Variants in DNAL1 observed in about 807,000 individuals in gnomAD.
The protein encoded by DNAL1 is dynein axonemal light chain 1, also known as chromosome 14 open reading frame 168.
DNAL1 carries 17 observed loss-of-function variants against 29.4 expected under a neutral mutation model. The observed-to-expected ratio is 0.58, with a 90% confidence interval of 0.40 to 0.87. The LOEUF (loss-of-function observed/expected upper bound fraction) is 0.87, where lower values mean the gene tolerates loss of function less well. Among genes scored for constraint, DNAL1 ranks in the 40% least tolerant of loss-of-function variants. The pLI is 0.00. For missense variants in DNAL1, 188 were observed against 214.1 expected (o/e 0.88, Z 0.76); for synonymous variants, 78 against 76.3 (o/e 1.02, Z -0.12).
intron 7 of DNAL1, among the ~76,000 whole-genome samples, chr14:73,694,417 G>A (rs969979967): frequency 5.3e-5 from 8 of 152,154 alleles, no homozygotes; most frequent in Non-Finnish European, 1.0e-4. Context: ...CTGGAGTGCA[G>A]GGTAAATGGC....
chr14:73,664,716 T>A (rs966846448), intron 4 of DNAL1, among the ~76,000 whole-genome samples: 2 of 151,900 alleles, frequency 1.3e-5, no homozygotes, highest in Admixed American at 6.6e-5. Flanking sequence ...CTAAAAATTT[T>A]AAAAATTATC....
chr14:73,666,156 A>G (rs1389689582), intron 4 of DNAL1, among the ~76,000 whole-genome samples: 1 of 152,168 alleles, frequency 6.6e-6, no homozygotes. Context: ...CTTGCCTCCT[A>G]CCCATCTCCT....
At position 73,699,253 on chromosome 14, in the gene DNAL1, G is replaced by GTATT. The variant is rs1487656744; in HGVS notation, c.*3312_*3315dup. On this transcript the variant is annotated 3_prime_UTR_variant, in exon 8 of 8. Transcript: ENST00000553645. ...GAATTGTTATATGAGAGAAGGTGATGTATTCAGTAATCATGGATGGAAAGA... is the reference window on the plus strand; with the variant it reads ...GAATTGTTATATGAGAGAAGGTGATGTATTTATTCAGTAATCATGGATGGAAAGA... The GTATT allele has an allele frequency of 6.6e-6, 1 of 151,570 alleles. No homozygotes were observed. Among genetic ancestry groups the GTATT allele is most frequent in the Non-Finnish European group, 1.5e-5 (1 of 67,956 alleles). 9.4% of individuals were successfully genotyped at this position (151,570 alleles called of 1,614,324 possible).
At chr14:73,684,119 C>T (rs1412109012) in intron 5 of DNAL1, among the ~76,000 whole-genome samples, 2 of 152,168 alleles carry the variant, frequency 1.3e-5, no homozygotes, top group African/African-American at 4.8e-5. Flanking sequence ...TAACAAATGA[C>T]AGGATTTCAT....
At chr14:73,682,709 GC>G (rs1481698431) in intron 5 of DNAL1, among the ~76,000 whole-genome samples, 1 of 151,116 alleles carries the variant, frequency 6.6e-6, no homozygotes, top group Non-Finnish European at 1.5e-5. Context: ...ATTAGCCTAG[GC>G]CTACCCAGAG....
intron 5 of DNAL1, among the ~76,000 whole-genome samples, chr14:73,671,875 T>C (rs1354261067): frequency 6.6e-6 from 1 of 152,210 alleles, no homozygotes; most frequent in Non-Finnish European, 1.5e-5. Context: ...TTGAATTTCC[T>C]TCCAAAGAAT....
rs547395335 is a variant in DNAL1 at position 73,669,547 on chromosome 14, T to G, written c.209-1995T>G. 3.9e-4 allele frequency among the ~76,000 whole-genome samples: 59 copies of G among 152,346 alleles called. 1 individual carries two copies. Among genetic ancestry groups the G allele is most frequent in the Non-Finnish European group, 7.8e-4 (53 of 68,024 alleles). ...GCCTCGGCCTCCCAAAGTGCTGGGA[T>G]TACAGGCATGAGCCACCACGCCCGG... On this transcript the variant is annotated intron_variant, in intron 4 of 7. Transcript: ENST00000553645.
chr14:73,665,220 G>T (rs2140036787), intron 4 of DNAL1, among the ~76,000 whole-genome samples: 1 of 151,960 alleles, frequency 6.6e-6, no homozygotes, highest in African/African-American at 2.4e-5. Flanking sequence ...CTTACTCAAA[G>T]TTGGCATTCA....
chr14:73,651,441 C>T (rs1237644649), intron 1 of DNAL1: 1 of 152,084 alleles, frequency 6.6e-6, no homozygotes, highest in African/African-American at 2.4e-5. Flanking sequence ...CAGGGAATAC[C>T]CTTGAAAGCT....
chr14:73,655,453 T>C (rs1173871324), intron 2 of DNAL1, among the ~76,000 whole-genome samples: 3 of 151,600 alleles, frequency 2.0e-5, no homozygotes, highest in Non-Finnish European at 4.4e-5. Flanking sequence ...CAAGCGATTC[T>C]CCTGCCTCAG....
At position 73,700,934 on chromosome 14, in the gene DNAL1, G is replaced by C. The variant is rs529405311; in HGVS notation, c.*4992G>C. The C allele has an allele frequency of 7.9e-5, 12 of 152,146 alleles. No homozygotes were observed. The highest frequency in any genetic ancestry group is 1.8e-4 in the Non-Finnish European group (12 of 68,022). The allele number at this position is 152,146 out of a possible 1,614,324, so 9.4% of individuals were successfully genotyped here. On this transcript the variant is annotated 3_prime_UTR_variant, in exon 8 of 8. Coordinates refer to ENST00000553645, the MANE Select transcript of DNAL1 (RefSeq NM_031427.4). ...GTTTTCTTTTTGTAAACCATAAAAT[G>C]GGTGAACTTCCAAAAATCAAGGGTC...
At position 73,695,909 on chromosome 14, in the gene DNAL1, A is replaced by G; in HGVS notation, c.540A>G (p.Pro180=). The G allele has an allele frequency of 6.3e-7, 1 of 1,584,202 alleles. No individual in the cohort carries two copies. Among genetic ancestry groups the G allele is most frequent in the Non-Finnish European group, 8.6e-7 (1 of 1,163,758 alleles). Residue 180 remains proline (P), a synonymous_variant, in exon 8 of 8, where the codon CCA becomes CCG. Transcript: ENST00000553645. ...VPKLKKLDGT[P]VIKGDEEEDN is the part of the protein sequence containing the mutation. The stretch of plus-strand genomic sequence containing the variant: ...TTTTCTTTTTCATTTTAGGTACTCC[A>G]GTAATTAAAGGGGATGAGGAAGAAG...
intron 5 of DNAL1, among the ~76,000 whole-genome samples, chr14:73,676,993 T>A (rs985361285): frequency 5.5e-5 from 8 of 146,788 alleles, no homozygotes; most frequent in Admixed American, 2.8e-4. Flanking sequence ...TTAATTGAGA[T>A]GCAGTCTTGC....
intron 5 of DNAL1, among the ~76,000 whole-genome samples, chr14:73,675,055 A>G (rs192692162): frequency 9.9e-5 from 15 of 151,942 alleles, no homozygotes; most frequent in African/African-American, 2.2e-4. Flanking sequence ...GGCTCAAGCA[A>G]TCCACCTGCC....
chr14:73,687,244 T>A lies in DNAL1; in HGVS notation c.265-15T>A. On this transcript the variant is annotated splice_polypyrimidine_tract_variant and intron_variant, in intron 5 of 7. Transcript: ENST00000553645. The stretch of plus-strand genomic sequence containing the variant: ...GCTTAAACATAAACATAAATCAAAT[T>A]TTGTTCTTTTTCAGGAGGCAGTAGG... 2 of 1,609,192 alleles carry A rather than the reference T, an allele frequency of 1.2e-6. No individual in the cohort carries two copies. Among genetic ancestry groups the A allele is most frequent in the Non-Finnish European group, 1.7e-6 (2 of 1,178,792 alleles).
At chr14:73,681,633 A>AATATATATATATATATATATAT (rs71112793) in intron 5 of DNAL1, among the ~76,000 whole-genome samples, 12 of 35,400 alleles carry the variant, frequency 3.4e-4, no homozygotes, top group South Asian at 3.6e-3. Context: ...AAAAAAAAAA[A>AATATATATATATATATATATAT]ATATATATAT....
intron 5 of DNAL1, among the ~76,000 whole-genome samples, chr14:73,682,610 C>G (rs926580282): frequency 3.3e-5 from 5 of 151,606 alleles, no homozygotes; most frequent in Admixed American, 6.6e-5. Context: ...TTTCATTATT[C>G]TATAAGCTTT....
chr14:73,685,950 G>A (rs991358229), intron 5 of DNAL1, among the ~76,000 whole-genome samples: 1 of 152,124 alleles, frequency 6.6e-6, no homozygotes, highest in African/African-American at 2.4e-5. Flanking sequence ...GTGCCCCGAA[G>A]TGGAATGGCT....
chr14:73,677,884 T>TTGTGTGTGTGTG (rs566825653), intron 5 of DNAL1, among the ~76,000 whole-genome samples: 5,193 of 96,038 alleles, frequency 0.054, 176 homozygotes, highest in Non-Finnish European at 0.08. Context: ...ATATATATAT[T>TTGTGTGTGTGTG]TGTGTGTGTG....
Sources: allele counts gnomAD v4.1 joint callset (sites outside exome capture counted in the v4.1 genomes callset), GRCh38; gene constraint gnomAD v4.1.1; transcripts MANE v1.5; gene names NCBI Gene and HGNC (gene_info 2026-07-23, HGNC 2026-07-21).